Variants in SCML4 observed in about 807,000 individuals in gnomAD.
SCML4 encodes the protein sex comb on midleg-like protein 4.
SCML4 carries 34 observed loss-of-function variants against 41.1 expected under a neutral mutation model. The ratio of observed to expected loss-of-function variants is 0.83; its 90% confidence interval spans 0.63 to 1.10. SCML4 has a LOEUF of 1.10. Ranked by LOEUF, SCML4 falls within the 50% of genes least tolerant of loss-of-function variation. SCML4 has a pLI of 0.00. For synonymous variants in SCML4, 214 were observed against 220.9 expected, an observed-to-expected ratio of 0.97 and a Z score of 0.28; for missense variants, 522 against 534.1, an observed-to-expected ratio of 0.98 and a Z score of 0.22.
chr6:107,826,421 A>G (rs2114329342), upstream of SCML4, among the ~76,000 whole-genome samples: 1 of 152,314 alleles, frequency 6.6e-6, no homozygotes, highest in East Asian at 1.9e-4. Flanking sequence ...CACACATGCC[A>G]CACTACACTG....
At position 107,796,260 on chromosome 6, in the gene SCML4, G is replaced by A. The variant is rs77619470; in HGVS notation, c.-59-23874C>T. Among the ~76,000 whole-genome samples, 8 of 152,176 alleles carry A rather than the reference G, an allele frequency of 5.3e-5. No homozygotes were observed. In the East Asian group the frequency reaches 1.5e-3, roughly 29 times the overall value. On this transcript the variant is annotated intron_variant, in intron 1 of 7. Coordinates refer to ENST00000369020, the MANE Select transcript of SCML4 (RefSeq NM_198081.5). ...TATAAAGAACTGCCAATTTTCCAAT[G>A]GTTATACCATTTTCACTCCCAGCAA...
upstream of SCML4, among the ~76,000 whole-genome samples, chr6:107,827,712 A>G (rs918656611): frequency 1.3e-5 from 2 of 152,194 alleles, no homozygotes; most frequent in Admixed American, 1.3e-4. Context: ...TCAGACCACA[A>G]GCAGCATGTT....
At chr6:107,744,926 G>C in intron 5 of SCML4, 23 bp downstream of exon 5, 2 of 1,547,572 alleles carry the variant, frequency 1.3e-6, no homozygotes, top group Non-Finnish European at 1.8e-6. Flanking sequence ...CCCTGCAGGT[G>C]GGGGAAGCAG....
At chr6:107,813,662 G>A (rs555815945) in intron 1 of SCML4, among the ~76,000 whole-genome samples, 1 of 152,050 alleles carries the variant, frequency 6.6e-6, no homozygotes, top group East Asian at 1.9e-4. Context: ...CAAAAATAAG[G>A]CACAATACAA....
intron 1 of SCML4, among the ~76,000 whole-genome samples, chr6:107,809,178 G>A (rs559842458): frequency 1.3e-5 from 2 of 152,328 alleles, no homozygotes; most frequent in African/African-American, 4.8e-5. Flanking sequence ...TCTAGAGGAT[G>A]CAGCAACAAG....
At chr6:107,728,544 G>T (rs182947162) in intron 5 of SCML4, among the ~76,000 whole-genome samples, 4 of 152,290 alleles carry the variant, frequency 2.6e-5, no homozygotes, top group Non-Finnish European at 5.9e-5. Flanking sequence ...AGGAGGTGGA[G>T]GTTGCAGTGA....
At position 107,746,763 on chromosome 6, in the gene SCML4, CA is replaced by C. The variant is rs1378953265; in HGVS notation, c.412del (p.Cys138AlafsTer42). 6.2e-7 allele frequency: 1 copy of C among 1,614,014 alleles called. No homozygotes were observed. ...CTTCTGCTGGTGGGCGCAGTCGATG[CA>C]GGCTTGGACGGCCTGCTGCAGCACC... ...SAVLQQAVQACIDCAHQQKLV... is the reference protein window; with the variant it reads ...SAVLQQAVQAXIDCAHQQKLV... On this transcript the variant is annotated frameshift_variant, in exon 4 of 8. Coordinates refer to ENST00000369020, the MANE Select transcript of SCML4 (RefSeq NM_198081.5). LOFTEE classifies it high-confidence loss of function.
chr6:107,789,940 T>A (rs554037806), intron 1 of SCML4, among the ~76,000 whole-genome samples: 8 of 152,334 alleles, frequency 5.3e-5, no homozygotes, highest in African/African-American at 1.9e-4. Context: ...TACAAGACTT[T>A]AAGGCAAATA....
rs866654754 is a variant in SCML4 at position 107,778,244 on chromosome 6, T to A, written c.-59-5858A>T. ...AAAAATATATATATATATATATATATATATATATATATATATATATAACTT... is the reference window on the plus strand; with the variant it reads ...AAAAATATATATATATATATATATAAATATATATATATATATATATAACTT... On this transcript the variant is annotated intron_variant, in intron 1 of 7. Coordinates refer to ENST00000369020, the MANE Select transcript of SCML4 (RefSeq NM_198081.5). Among the ~76,000 whole-genome samples the A allele has an allele frequency of 1.3e-3, 92 of 72,324 alleles. 5 individuals are homozygous for A. Among genetic ancestry groups the A allele is most frequent in the South Asian group, 4.7e-3 (10 of 2,136 alleles). 47.4% of individuals were successfully genotyped at this position (72,324 alleles called of 152,430 possible).
intron 1 of SCML4, among the ~76,000 whole-genome samples, chr6:107,780,796 C>T (rs776001327): frequency 1.3e-5 from 2 of 151,324 alleles, no homozygotes; most frequent in South Asian, 2.1e-4. Context: ...AGAGAAGAGT[C>T]GGCATTAGCT....
intron 5 of SCML4, among the ~76,000 whole-genome samples, chr6:107,728,652 C>A (rs922741339): frequency 6.6e-6 from 1 of 152,016 alleles, no homozygotes; most frequent in Admixed American, 6.6e-5. Context: ...TACTGATGCC[C>A]GTGGGTGAGA....
At chr6:107,746,451 G>A in intron 4 of SCML4, 1 of 446,742 alleles carries the variant, frequency 2.2e-6, no homozygotes, top group East Asian at 3.5e-5. Flanking sequence ...GTGGGAAGTG[G>A]GAGAAGGAGA....
chr6:107,802,775 G>A (rs868406934), intron 1 of SCML4, among the ~76,000 whole-genome samples: 1,636 of 141,936 alleles, frequency 0.012, 33 homozygotes, highest in African/African-American at 0.042. Flanking sequence ...CTCTTTCCAC[G>A]GTCTCCCCCT....
chr6:107,754,536 TC>T (rs1778948203), intron 2 of SCML4, among the ~76,000 whole-genome samples: 1 of 152,210 alleles, frequency 6.6e-6, no homozygotes, highest in Non-Finnish European at 1.5e-5. Context: ...CCTGAGGACT[TC>T]AGGCAGTGAC....
At chr6:107,707,408 C>A (rs1328155444) in intron 7 of SCML4, among the ~76,000 whole-genome samples, 1 of 152,182 alleles carries the variant, frequency 6.6e-6, no homozygotes, top group African/African-American at 2.4e-5. Context: ...TTTAGCATAT[C>A]TCAAAATCAT....
At position 107,779,093 on chromosome 6, in the gene SCML4, T is replaced by G. The variant is rs189387658; in HGVS notation, c.-59-6707A>C. On this transcript the variant is annotated intron_variant, in intron 1 of 7. Transcript: ENST00000369020. ...TACTCCGGAGGCTGAGGCAGGAGAA[T>G]GGCGGGAACCCGGGAGGCGGAGCTT... Among the ~76,000 whole-genome samples, 1,440 of 152,038 alleles carry G rather than the reference T, an allele frequency of 9.5e-3. 78 individuals are homozygous for G. The East Asian group carries it at 0.16, about 17-fold the overall frequency.
chr6:107,795,622 G>A (rs954454882), intron 1 of SCML4, among the ~76,000 whole-genome samples: 2 of 152,084 alleles, frequency 1.3e-5, no homozygotes, highest in African/African-American at 2.4e-5. Flanking sequence ...CCACTTCCCG[G>A]GTTCAAGTGA....
intron 4 of SCML4, chr6:107,746,148 T>C (rs1778067033): frequency 6.6e-6 from 1 of 151,344 alleles, no homozygotes; most frequent in South Asian, 2.1e-4. Flanking sequence ...TAGAACAGAG[T>C]GGGGAACAAG....
intron 2 of SCML4, among the ~76,000 whole-genome samples, chr6:107,767,773 C>T (rs1039784929): frequency 1.6e-4 from 25 of 152,134 alleles, no homozygotes; most frequent in African/African-American, 5.8e-4. Flanking sequence ...CTTGTAGCTA[C>T]GGGTGGCTGA....
Sources: allele counts gnomAD v4.1 joint callset (sites outside exome capture counted in the v4.1 genomes callset), GRCh38; gene constraint gnomAD v4.1.1; transcripts MANE v1.5; gene names NCBI Gene and HGNC (gene_info 2026-07-23, HGNC 2026-07-21).